The following DAB2IP variants were observed in gnomAD, a reference collection of about 807,000 sequenced individuals.
The protein encoded by DAB2IP is disabled homolog 2-interacting protein.
A neutral mutation model predicts 107.2 loss-of-function variants in DAB2IP; 28 were observed. The observed-to-expected ratio is 0.26, with a 90% CI of 0.19 to 0.36. The LOEUF (loss-of-function observed/expected upper bound fraction) is 0.36, where lower values mean the gene tolerates loss of function less well. Among genes scored for constraint, DAB2IP ranks in the 10% least tolerant of loss-of-function variants. The pLI is 1.00. For synonymous variants in DAB2IP, 755 were observed against 706.4 expected (o/e 1.07, Z -1.09); for missense variants, 1,400 against 1,644.7 (o/e 0.85, Z 2.57).
chr9:121,699,361 C>G lies in DAB2IP; in HGVS notation c.265C>G (p.Arg89Gly), dbSNP rs762024841. The change falls in exon 3 of 16, where the codon CGC becomes GGC. Residue 89 changes from arginine to glycine, a missense_variant. Coordinates refer to ENST00000408936, the Ensembl canonical transcript of DAB2IP. The surrounding 1 kb of genome is among the most constrained non-coding windows in gnomAD (Gnocchi z 6.2). ...CCGCCGCCTCAAGGGCTCCATCAAG[C>G]GCACCAAGAGCCAGCCCAAGCTGGA... is the stretch of plus-strand genomic sequence containing the variant. 1.4e-6 allele frequency: 2 copies of G among 1,479,328 alleles called. No individual in the cohort carries two copies. The highest frequency in any genetic ancestry group is 1.3e-5 in the South Asian group (1 of 79,576). 91.6% of individuals were successfully genotyped at this position (1,479,328 alleles called of 1,614,324 possible). A position where few individuals can be genotyped will look rare whatever the true frequency, so the allele number is the denominator to read the frequency against.
rs146320633 is a variant in DAB2IP at position 121,716,023 on chromosome 9, C to T, written c.362+16565C>T. 4.8e-3 allele frequency among the ~76,000 whole-genome samples: 729 copies of T among 152,310 alleles called. 7 individuals are homozygous for T. Among genetic ancestry groups the T allele is most frequent in the African/African-American group, 0.016 (666 of 41,570 alleles). ...CTGAGCATCATAGTGCCATGAGAAC[C>T]TGGTAAAAAGATTCTGGAGCCCCAC... On this transcript the variant is annotated intron_variant, in intron 3 of 15. Transcript: ENST00000408936.
chr9:121,601,505 C>G (rs1376745355), intron 1 of DAB2IP, among the ~76,000 whole-genome samples: 1 of 152,138 alleles, frequency 6.6e-6, no homozygotes, highest in African/African-American at 2.4e-5. Flanking sequence ...CTGGAACAAC[C>G]CTTGGGGCAT....
At chr9:121,771,394 C>A (rs758214044) in intron 11 of DAB2IP, among the ~76,000 whole-genome samples, 1 of 152,112 alleles carries the variant, frequency 6.6e-6, no homozygotes, top group Non-Finnish European at 1.5e-5. Context: ...CATGTGAGGC[C>A]GCAGCTGTAG....
chr9:121,612,962 T>G (rs58067171), intron 1 of DAB2IP, among the ~76,000 whole-genome samples: 5,860 of 152,204 alleles, frequency 0.039, 359 homozygotes, highest in African/African-American at 0.13. Flanking sequence ...TGGGGAGGTG[T>G]GGGGAGGGGG....
chr9:121,744,746 C>T (rs1832605011), intron 3 of DAB2IP, among the ~76,000 whole-genome samples: 1 of 152,180 alleles, frequency 6.6e-6, no homozygotes, highest in African/African-American at 2.4e-5. Context: ...GAATCGTGAC[C>T]TCAGGCAAGC....
chr9:121,780,806 G>GGT (rs1835564135), intron 14 of DAB2IP, among the ~76,000 whole-genome samples: 1 of 152,164 alleles, frequency 6.6e-6, no homozygotes, highest in South Asian at 2.1e-4. Context: ...AGCTTCCGCG[G>GGT]GTGGTATGTC....
chr9:121,664,611 A>G (rs952152632), intron 1 of DAB2IP, among the ~76,000 whole-genome samples: 1 of 152,174 alleles, frequency 6.6e-6, no homozygotes. Flanking sequence ...TTTATTAAGT[A>G]TATTTTGGTG....
At chr9:121,581,997 G>A (rs1049798693) in intron 1 of DAB2IP, among the ~76,000 whole-genome samples, 2 of 152,212 alleles carry the variant, frequency 1.3e-5, no homozygotes, top group African/African-American at 4.8e-5. Context: ...GAACAAAAGA[G>A]CTTGTGTTTG....
At chr9:121,745,884 G>T (rs999209090) in intron 3 of DAB2IP, among the ~76,000 whole-genome samples, 2 of 152,228 alleles carry the variant, frequency 1.3e-5, no homozygotes, top group Non-Finnish European at 1.5e-5. Context: ...AGATAGCTGA[G>T]CTGGAGTGAC....
In DAB2IP at chr9:121,699,742, C is replaced by T. The variant is rs919578763; in HGVS notation, c.362+284C>T. Among the ~76,000 whole-genome samples, 16 of 152,174 alleles carry T rather than the reference C, an allele frequency of 1.1e-4. No individual in the cohort carries two copies. The highest frequency in any genetic ancestry group is 3.6e-4 in the African/African-American group (15 of 41,462). On this transcript the variant is annotated intron_variant, in intron 3 of 15. Coordinates refer to ENST00000408936, the Ensembl canonical transcript of DAB2IP. This position sits in a 1 kb window ranked among gnomAD's most constrained non-coding sequence, Gnocchi z 6.2. ...CGCGAAGTCCCCTCGCAGGGAAGTC[C>T]TGCCTCGCCTGTCCGAGGTGGGCAT...
At chr9:121,773,170 A>T (rs1298689324) in exon 12 of DAB2IP, 1 of 1,602,706 alleles carries the variant, frequency 6.2e-7, no homozygotes, top group Non-Finnish European at 8.5e-7. Flanking sequence ...GCCGCGGAGG[A>T]GCTGGCTCGG....
In DAB2IP at chr9:121,758,032, C is replaced by T. The variant is rs564744154; in HGVS notation, c.516+866C>T. On this transcript the variant is annotated intron_variant, in intron 4 of 15. Transcript: ENST00000408936. ...ACCATTTCTGGTTCAGGACTCCTGG[C>T]CAAGCCAGGCTTGATCTGGGTTCTG... is the stretch of plus-strand genomic sequence containing the variant. Among the ~76,000 whole-genome samples the T allele has an allele frequency of 1.1e-4, 17 of 152,330 alleles. 1 individual carries two copies. The highest frequency in any genetic ancestry group is 3.8e-4 in the African/African-American group (16 of 41,582).
chr9:121,650,068 G>A (rs1332679215), upstream of DAB2IP, among the ~76,000 whole-genome samples: 3 of 152,208 alleles, frequency 2.0e-5, no homozygotes, highest in African/African-American at 7.2e-5. Context: ...TATATTTTAT[G>A]TGTGGCCTGA....
intron 1 of DAB2IP, among the ~76,000 whole-genome samples, chr9:121,570,749 C>T (rs370501303): frequency 6.0e-5 from 9 of 149,856 alleles, no homozygotes; most frequent in South Asian, 2.1e-4. Context: ...GGTTTGCCCA[C>T]GTTGCCCAGG....
chr9:121,781,256 G>A (rs748283531), intron 14 of DAB2IP, among the ~76,000 whole-genome samples: 3 of 152,180 alleles, frequency 2.0e-5, no homozygotes, highest in Non-Finnish European at 4.4e-5. Context: ...GGGATGTGGA[G>A]GTGAGGAAGG....
intron 13 of DAB2IP, among the ~76,000 whole-genome samples, chr9:121,775,296 C>T (rs924037395): frequency 6.6e-6 from 1 of 152,186 alleles, no homozygotes; most frequent in Non-Finnish European, 1.5e-5. Context: ...AACTCCTTCT[C>T]CCCGGCCTCA....
chr9:121,668,330 C>T (rs887558828), intron 1 of DAB2IP, among the ~76,000 whole-genome samples: 3 of 151,644 alleles, frequency 2.0e-5, no homozygotes, highest in Non-Finnish European at 4.4e-5. Context: ...CTCTGCCTCC[C>T]GGGTTCAAGT....
intron 1 of DAB2IP, among the ~76,000 whole-genome samples, chr9:121,607,507 T>C (rs1369192909): frequency 1.3e-5 from 2 of 152,038 alleles, no homozygotes; most frequent in Non-Finnish European, 2.9e-5. Flanking sequence ...CTTGCTGTGT[T>C]GTCCAGGCTG....
At chr9:121,754,887 C>T (rs531428398) in intron 3 of DAB2IP, among the ~76,000 whole-genome samples, 12 of 152,334 alleles carry the variant, frequency 7.9e-5, no homozygotes, top group South Asian at 2.1e-4. Context: ...ACCAGCTCCC[C>T]GCTCTGTACT....
Sources: allele counts gnomAD v4.1 joint callset (sites outside exome capture counted in the v4.1 genomes callset), GRCh38; gene constraint gnomAD v4.1.1; non-coding constraint Gnocchi (gnomAD v3.1); transcripts MANE v1.5; gene names NCBI Gene and HGNC (gene_info 2026-07-23, HGNC 2026-07-21).